Variants in PLCB1 observed in about 807,000 individuals in gnomAD.
PLCB1 encodes phospholipase C beta 1.
Under a neutral mutation model 161.8 loss-of-function variants are expected in PLCB1, and 46 were observed. The observed-to-expected ratio is 0.28, with a 90% CI of 0.22 to 0.36. The LOEUF (loss-of-function observed/expected upper bound fraction) is 0.36, where lower values mean the gene tolerates loss of function less well. PLCB1 is among the 10% of genes least tolerant of loss of function. The pLI, the probability that PLCB1 is intolerant of heterozygous loss-of-function variation, is 1.00. For synonymous variants in PLCB1, 517 were observed against 503.7 expected, an observed-to-expected ratio of 1.03 and a Z score of -0.35; for missense variants, 1,016 against 1,472.5, an observed-to-expected ratio of 0.69 and a Z score of 5.07.
chr20:8,556,324 A>C (rs897445897), intron 3 of PLCB1, among the ~76,000 whole-genome samples: 7 of 152,206 alleles, frequency 4.6e-5, no homozygotes, highest in African/African-American at 1.7e-4. Context: ...AAAAGCAGCC[A>C]TGTAGAGGAC....
intron 2 of PLCB1, among the ~76,000 whole-genome samples, chr20:8,340,098 T>C (rs1383504273): frequency 6.6e-6 from 1 of 152,200 alleles, no homozygotes. Context: ...TTCCTACATA[T>C]GATTGGTTTT....
intron 2 of PLCB1, among the ~76,000 whole-genome samples, chr20:8,370,393 G>A (rs1020734399): frequency 2.0e-5 from 3 of 152,114 alleles, no homozygotes; most frequent in African/African-American, 7.2e-5. Flanking sequence ...CCTCCCACGT[G>A]AATCCGCTTC....
At chr20:8,623,343 G>A (rs1430921351) in intron 3 of PLCB1, among the ~76,000 whole-genome samples, 2 of 152,072 alleles carry the variant, frequency 1.3e-5, no homozygotes, top group African/African-American at 4.8e-5. Flanking sequence ...CTTAAATAGT[G>A]TGTTCACTTT....
intron 2 of PLCB1, among the ~76,000 whole-genome samples, chr20:8,318,596 T>G (rs1984765948): frequency 6.6e-6 from 1 of 152,120 alleles, no homozygotes; most frequent in Non-Finnish European, 1.5e-5. Context: ...GCACGGAAAA[T>G]GTTTGTTGAA....
At chr20:8,732,839 A>T (rs1009625233) in intron 18 of PLCB1, among the ~76,000 whole-genome samples, 7 of 124,580 alleles carry the variant, frequency 5.6e-5, no homozygotes, top group Non-Finnish European at 1.2e-4. Flanking sequence ...TACTATATTT[A>T]TATATAATTA....
Position 8,845,751 on chromosome 20 carries a change from G to GA in PLCB1, c.3424-35862dup, listed in dbSNP as rs1334339253. ...TGTTACTAACAAAATAAGCAGGAAG[G>GA]AAAAAAAAAGAAAATCACTAAGCAC... On this transcript the variant is annotated intron_variant, in intron 31 of 31. Transcript: ENST00000338037. 3.0e-4 allele frequency among the ~76,000 whole-genome samples: 45 copies of GA among 149,948 alleles called. No homozygotes were observed. In the East Asian group the frequency reaches 3.5e-3, roughly 12 times the overall value.
chr20:8,820,181 A>G (rs1985273279), intron 31 of PLCB1, among the ~76,000 whole-genome samples: 1 of 148,244 alleles, frequency 6.7e-6, no homozygotes. Context: ...AGATACAGAG[A>G]ACCCATGGAT....
chr20:8,166,648 G>C (rs1425036797), intron 2 of PLCB1, among the ~76,000 whole-genome samples: 1 of 151,988 alleles, frequency 6.6e-6, no homozygotes, highest in Non-Finnish European at 1.5e-5. Context: ...ATCCTGACCT[G>C]GTCCTGGTGC....
At chr20:8,759,802 CCAGAAGATGG>C (rs1347479518) in intron 24 of PLCB1, among the ~76,000 whole-genome samples, 1 of 151,860 alleles carries the variant, frequency 6.6e-6, no homozygotes, top group African/African-American at 2.4e-5. Context: ...CCTGATTTAG[CCAGAAGATGG>C]CGATAGCATT....
intron 2 of PLCB1, among the ~76,000 whole-genome samples, chr20:8,191,135 AT>A (rs2051965556): frequency 6.6e-6 from 1 of 151,672 alleles, no homozygotes; most frequent in Admixed American, 6.6e-5. Context: ...CTTATTTTTT[AT>A]TTTTTATTTT....
chr20:8,170,522 C>T (rs1278315170), intron 2 of PLCB1, among the ~76,000 whole-genome samples: 2 of 151,970 alleles, frequency 1.3e-5, no homozygotes, highest in Admixed American at 6.6e-5. Flanking sequence ...AAAAGAGTGT[C>T]ATTGCTTAGA....
chr20:8,571,456 G>A lies in PLCB1; in HGVS notation c.247-56838G>A, dbSNP rs148690634. ...GAGATCATGCCACTGCATTCCAGCC[G>A]GGGTGACCAAGTGATACTCCGTCTC... On this transcript the variant is annotated intron_variant, in intron 3 of 31. Coordinates refer to ENST00000338037, the MANE Select transcript of PLCB1 (RefSeq NM_015192.4). 1.8e-4 allele frequency among the ~76,000 whole-genome samples: 27 copies of A among 152,184 alleles called. 1 individual carries two copies. Among genetic ancestry groups the A allele is most frequent in the African/African-American group, 4.6e-4 (19 of 41,528 alleles).
intron 31 of PLCB1, among the ~76,000 whole-genome samples, chr20:8,796,475 A>T (rs988708660): frequency 5.9e-5 from 9 of 152,212 alleles, no homozygotes; most frequent in African/African-American, 2.2e-4. Flanking sequence ...CTTGATGGGG[A>T]AATGGATTCT....
At chr20:8,259,362 A>G (rs1981582678) in intron 2 of PLCB1, among the ~76,000 whole-genome samples, 2 of 152,214 alleles carry the variant, frequency 1.3e-5, no homozygotes, top group South Asian at 4.2e-4. Context: ...AGTGCCTCTA[A>G]TTAGAGCACT....
At chr20:8,630,136 G>A (rs1315098547) in intron 4 of PLCB1, among the ~76,000 whole-genome samples, 1 of 144,572 alleles carries the variant, frequency 6.9e-6, no homozygotes, top group African/African-American at 2.6e-5. Flanking sequence ...AGTGCAGGTA[G>A]TGGCTCCTGC....
chr20:8,325,106 T>G (rs151289098), intron 2 of PLCB1, among the ~76,000 whole-genome samples: 1 of 152,214 alleles, frequency 6.6e-6, no homozygotes, highest in East Asian at 1.9e-4. Context: ...ATAATGGGAG[T>G]TAACAGGTGA....
At chr20:8,183,451 T>A (rs1329285464) in intron 2 of PLCB1, among the ~76,000 whole-genome samples, 1 of 152,212 alleles carries the variant, frequency 6.6e-6, no homozygotes, top group Non-Finnish European at 1.5e-5. Context: ...TCCAATGCAT[T>A]TGATCTTTCA....
At chr20:8,175,868 G>T (rs1041871753) in intron 2 of PLCB1, among the ~76,000 whole-genome samples, 1 of 152,010 alleles carries the variant, frequency 6.6e-6, no homozygotes, top group South Asian at 2.1e-4. Flanking sequence ...TGGGTAAAAG[G>T]TCTAAGTAGA....
At chr20:8,311,766 G>T (rs1230086765) in intron 2 of PLCB1, among the ~76,000 whole-genome samples, 2 of 152,158 alleles carry the variant, frequency 1.3e-5, no homozygotes, top group Non-Finnish European at 2.9e-5. Context: ...GGCCAAGGAG[G>T]TGGTGGCTGA....
Sources: gnomAD v4.1 joint callset for allele counts (sites outside exome capture counted in the v4.1 genomes callset) on GRCh38, gnomAD v4.1.1 for gene constraint, MANE v1.5 for transcripts, NCBI Gene and HGNC (gene_info 2026-07-23, HGNC 2026-07-21) for gene names.